ARMH3: variants seen among roughly 807,000 people sequenced by gnomAD.
ARMH3 encodes the protein armadillo-like helical domain-containing protein 3.
Under a neutral mutation model 99.1 loss-of-function variants are expected in ARMH3, and 60 were observed. The observed-to-expected ratio is 0.61, with a 90% CI of 0.49 to 0.75. The LOEUF is 0.75. Ranked by LOEUF, ARMH3 falls within the 30% of genes least tolerant of loss-of-function variation. The pLI is 0.00. For synonymous variants in ARMH3, 285 were observed against 292.8 expected (o/e 0.97, Z 0.27); for missense variants, 679 against 843.1 (o/e 0.81, Z 2.41).
intron 19 of ARMH3, among the ~76,000 whole-genome samples, chr10:101,978,671 T>C (rs935517155): frequency 4.6e-5 from 7 of 152,022 alleles, no homozygotes; most frequent in African/African-American, 1.4e-4. Flanking sequence ...CCAGGCGCAG[T>C]AGCTCATGCC....
intron 22 of ARMH3, among the ~76,000 whole-genome samples, chr10:101,947,171 A>G (rs929034295): frequency 2.6e-5 from 4 of 151,990 alleles, no homozygotes; most frequent in Admixed American, 6.6e-5. Context: ...TAGGCGACAG[A>G]GCGAGACTCT....
At position 101,990,651 on chromosome 10, in the gene ARMH3, G is replaced by A. The variant is rs1280629582; in HGVS notation, c.1346-40C>T. On this transcript the variant is annotated intron_variant, in intron 18 of 25. Coordinates refer to ENST00000370033, the MANE Select transcript of ARMH3 (RefSeq NM_024541.3). ...GAGAAAAACTGGATCAATTACAATGGAATTCATTTCTTGTCTTTGAGTTGG... is the reference window on the plus strand; with the variant it reads ...GAGAAAAACTGGATCAATTACAATGAAATTCATTTCTTGTCTTTGAGTTGG... 23 of 1,500,232 alleles carry A rather than the reference G, an allele frequency of 1.5e-5. No individual in the cohort carries two copies. The Admixed American group carries it at 3.8e-4, about 25-fold the overall frequency. The allele number at this position is 1,500,232 out of a possible 1,614,324, so 92.9% of individuals were successfully genotyped here.
intron 19 of ARMH3, among the ~76,000 whole-genome samples, chr10:101,983,585 G>A (rs1564819051): frequency 6.6e-6 from 1 of 152,144 alleles, no homozygotes; most frequent in African/African-American, 2.4e-5. Context: ...CCTACATAAT[G>A]AAATCTCCAT....
intron 24 of ARMH3, among the ~76,000 whole-genome samples, chr10:101,851,754 A>G (rs2066605849): frequency 6.6e-6 from 1 of 152,208 alleles, no homozygotes; most frequent in African/African-American, 2.4e-5. Flanking sequence ...AGGAACAGCT[A>G]GGGCAAAGGG....
chr10:101,957,361 A>ACAG (rs1316090368), intron 21 of ARMH3, among the ~76,000 whole-genome samples: 2 of 152,204 alleles, frequency 1.3e-5, no homozygotes, highest in African/African-American at 4.8e-5. Flanking sequence ...GCAGTAGTAT[A>ACAG]CAGCAGTCTC....
chr10:101,918,558 T>C (rs1843179031), intron 23 of ARMH3, among the ~76,000 whole-genome samples: 1 of 152,206 alleles, frequency 6.6e-6, no homozygotes, highest in African/African-American at 2.4e-5. Flanking sequence ...AAAAACAGTC[T>C]TTCAAATACA....
intron 13 of ARMH3, among the ~76,000 whole-genome samples, chr10:102,008,782 G>A (rs2066565067): frequency 6.6e-6 from 1 of 151,506 alleles, no homozygotes; most frequent in African/African-American, 2.4e-5. Context: ...AGCCAGGATG[G>A]TCTTGATCTC....
At position 102,006,646 on chromosome 10, in the gene ARMH3, C is replaced by A; in HGVS notation, c.955-13G>T. The A allele has an allele frequency of 6.2e-7, 1 of 1,610,880 alleles. No individual in the cohort carries two copies. The highest frequency in any genetic ancestry group is 8.5e-7 in the Non-Finnish European group (1 of 1,177,206). On this transcript the variant is annotated splice_polypyrimidine_tract_variant and intron_variant, in intron 13 of 25. Transcript: ENST00000370033. ...TTTCTGGATGGCTCTGAAAAAGATA[C>A]ACAGATGTGTAAGAAAACAGAAAAT... is the stretch of plus-strand genomic sequence containing the variant.
At chr10:102,009,698 C>T (rs2066587089) in intron 12 of ARMH3, among the ~76,000 whole-genome samples, 1 of 152,164 alleles carries the variant, frequency 6.6e-6, no homozygotes, top group South Asian at 2.1e-4. Flanking sequence ...TCCACCTCAA[C>T]CCAGTTAAGT....
intron 23 of ARMH3, among the ~76,000 whole-genome samples, chr10:101,931,944 A>G (rs1046475945): frequency 2.6e-5 from 4 of 152,256 alleles, no homozygotes; most frequent in South Asian, 2.1e-4. Flanking sequence ...TGTGCATCAA[A>G]GGACACCATC....
At chr10:101,954,263 T>C (rs890455822) in intron 22 of ARMH3, among the ~76,000 whole-genome samples, 1 of 152,224 alleles carries the variant, frequency 6.6e-6, no homozygotes, top group Non-Finnish European at 1.5e-5. Context: ...GCTTTATTTA[T>C]CATCGCTAAA....
intron 23 of ARMH3, among the ~76,000 whole-genome samples, chr10:101,918,796 A>G (rs1305480772): frequency 6.6e-6 from 1 of 152,178 alleles, no homozygotes; most frequent in Non-Finnish European, 1.5e-5. Flanking sequence ...CCCTAACTCT[A>G]ATTTGTTATC....
chr10:101,900,079 TAAATG>T, intron 23 of ARMH3, among the ~76,000 whole-genome samples: 1 of 152,334 alleles, frequency 6.6e-6, no homozygotes, highest in Non-Finnish European at 1.5e-5. Context: ...AATCTTTCAA[TAAATG>T]AAAAGAGGCT....
chr10:101,933,079 GGAAGGCT>G (rs1290393917), intron 23 of ARMH3, among the ~76,000 whole-genome samples: 3 of 152,142 alleles, frequency 2.0e-5, no homozygotes, highest in Non-Finnish European at 2.9e-5. Context: ...CCAGCTACTC[GGAAGGCT>G]GAGGCAGGAG....
chr10:102,020,967 G>A (rs933513392), intron 8 of ARMH3, among the ~76,000 whole-genome samples: 7 of 151,900 alleles, frequency 4.6e-5, no homozygotes, highest in African/African-American at 1.7e-4. Flanking sequence ...TCCATTCATA[G>A]TAAGTGCCCT....
intron 22 of ARMH3, among the ~76,000 whole-genome samples, chr10:101,943,217 G>GATCCCTTAC (rs1200595158): frequency 1.3e-5 from 2 of 152,224 alleles, no homozygotes; most frequent in African/African-American, 4.8e-5. Flanking sequence ...CAGCTCTGCA[G>GATCCCTTAC]ATCCCTTACA....
intron 24 of ARMH3, among the ~76,000 whole-genome samples, chr10:101,854,723 T>G (rs1362694434): frequency 1.3e-5 from 2 of 152,138 alleles, no homozygotes; most frequent in Non-Finnish European, 2.9e-5. Flanking sequence ...TAAGTTTTAG[T>G]TCCCAGTCAA....
At chr10:101,911,978 A>C (rs1417471387) in intron 23 of ARMH3, among the ~76,000 whole-genome samples, 1 of 152,130 alleles carries the variant, frequency 6.6e-6, no homozygotes, top group Non-Finnish European at 1.5e-5. Flanking sequence ...GGTTGCAGTG[A>C]GCTGAGATCG....
chr10:101,926,208 G>A (rs1172099224), intron 23 of ARMH3, among the ~76,000 whole-genome samples: 1 of 152,070 alleles, frequency 6.6e-6, no homozygotes. Context: ...ATTTTTTGGA[G>A]ACAAGGTCTC....
Sources: gnomAD v4.1 joint callset for allele counts (sites outside exome capture counted in the v4.1 genomes callset) on GRCh38, gnomAD v4.1.1 for gene constraint, MANE v1.5 for transcripts, NCBI Gene and HGNC (gene_info 2026-07-23, HGNC 2026-07-21) for gene names.